Variants in FBXO11 observed in about 807,000 individuals in gnomAD.
FBXO11 encodes the protein F-box only protein 11.
Under a neutral mutation model 117.0 loss-of-function variants are expected in FBXO11, and 13 were observed. The observed-to-expected ratio is 0.11, with a 90% CI of 0.07 to 0.18. The LOEUF (loss-of-function observed/expected upper bound fraction) is 0.18, where lower values mean the gene tolerates loss of function less well. Among genes scored for constraint, FBXO11 ranks in the 10% least tolerant of loss-of-function variants. The pLI, the probability that FBXO11 is intolerant of heterozygous loss-of-function variation, is 1.00. For synonymous variants in FBXO11, 490 were observed against 380.5 expected, an observed-to-expected ratio of 1.29 and a Z score of -3.35; for missense variants, 767 against 1,164.4, an observed-to-expected ratio of 0.66 and a Z score of 4.97.
In FBXO11 at chr2:47,806,953, A is replaced by G. The variant is rs1284334358; in HGVS notation, c.*1165T>C. ...TAATAAACTTTATTTTTTAAAAATG[A>G]CCATTTTTCCATTTTCTTTCTAGGA... On this transcript the variant is annotated 3_prime_UTR_variant, in exon 23 of 23. Transcript: ENST00000403359. 4 of 990,116 alleles carry G rather than the reference A, an allele frequency of 4.0e-6. No individual in the cohort carries two copies. Among genetic ancestry groups the G allele is most frequent in the South Asian group, 2.7e-5 (2 of 72,742 alleles). The allele number at this position is 990,116 out of a possible 1,614,324, so 61.3% of individuals were successfully genotyped here. A position where few individuals can be genotyped will look rare whatever the true frequency, so the allele number is the denominator to read the frequency against.
chr2:47,846,699 CAG>C (rs1403550164), intron 1 of FBXO11, among the ~76,000 whole-genome samples: 1 of 151,954 alleles, frequency 6.6e-6, no homozygotes, highest in Non-Finnish European at 1.5e-5. Flanking sequence ...AAAAATAAAA[CAG>C]TGAAATTTTA....
intron 1 of FBXO11, 75 bp downstream of exon 1, chr2:47,905,413 CG>C: frequency 1.9e-6 from 2 of 1,052,956 alleles, no homozygotes; most frequent in Admixed American, 5.8e-5. Flanking sequence ...CCCGCCCGCC[CG>C]CCCGCCCGCC....
In FBXO11 at chr2:47,823,256, C is replaced by T. The variant is rs1050147417; in HGVS notation, c.1503G>A (p.Gln501=). The T allele has an allele frequency of 1.2e-6, 2 of 1,613,818 alleles. No homozygotes were observed. The highest frequency in any genetic ancestry group is 2.7e-5 in the African/African-American group (2 of 74,934). ...TTTCATGGACATATATTCCTCCAGT[C>T]TGCCCATGGTGAATTTCACATCGAA... is the stretch of plus-strand genomic sequence containing the variant. ...TVVRCEIHHG[Q]TGGIYVHEKG... The change falls in exon 12 of 23, where the codon CAG becomes CAA. Residue 501 remains glutamine, a synonymous_variant. Transcript: ENST00000403359.
chr2:47,817,225 CTT>C (rs1216946298), intron 16 of FBXO11, among the ~76,000 whole-genome samples: 1 of 152,212 alleles, frequency 6.6e-6, no homozygotes, highest in Non-Finnish European at 1.5e-5. Context: ...TAGCTTCAAA[CTT>C]TTCTTCTGCA....
rs1259866098 is a variant in FBXO11, at chr2:47,818,988, G to A, written c.1888C>T (p.Leu630=). The part of the protein sequence containing the change: ...VWVTTGSTPV[L]RRNRIHSGKQ... Reference sequence around the variant, plus strand: ...CCACTGTGTATCCGGTTTCTTCTCAGTACTGGAGTGCTGCCAGTTGTCACC... The same window carrying A: ...CCACTGTGTATCCGGTTTCTTCTCAATACTGGAGTGCTGCCAGTTGTCACC... Residue 630 remains leucine (L), a synonymous_variant, in exon 15 of 23, where the codon CTG becomes TTG. Coordinates refer to ENST00000403359, the MANE Select transcript of FBXO11 (RefSeq NM_001190274.2). 1.2e-6 allele frequency: 2 copies of A among 1,613,956 alleles called. No individual in the cohort carries two copies. Among genetic ancestry groups the A allele is most frequent in the Non-Finnish European group, 1.7e-6 (2 of 1,180,020 alleles).
intron 1 of FBXO11, among the ~76,000 whole-genome samples, chr2:47,863,990 C>G (rs1235060184): frequency 1.3e-5 from 2 of 151,312 alleles, no homozygotes; most frequent in Admixed American, 6.6e-5. Context: ...AAATCTAAAG[C>G]TGGATTTAGG....
chr2:47,859,445 C>A (rs900612085), intron 1 of FBXO11, among the ~76,000 whole-genome samples: 1 of 152,018 alleles, frequency 6.6e-6, no homozygotes, highest in South Asian at 2.1e-4. Flanking sequence ...CTAATTTCAC[C>A]GATTGGTGCT....
intron 1 of FBXO11, among the ~76,000 whole-genome samples, chr2:47,850,960 A>C (rs1012592130): frequency 2.0e-5 from 3 of 152,210 alleles, no homozygotes; most frequent in African/African-American, 7.2e-5. Context: ...AAATACATAC[A>C]ATAATTTTCT....
At chr2:47,887,759 A>C (rs953211987) in intron 1 of FBXO11, among the ~76,000 whole-genome samples, 1 of 152,040 alleles carries the variant, frequency 6.6e-6, no homozygotes, top group Admixed American at 6.6e-5. Flanking sequence ...TACTTGGGGG[A>C]CTGAGGCAGG....
intron 1 of FBXO11, among the ~76,000 whole-genome samples, chr2:47,879,203 A>G (rs1163581262): frequency 6.6e-6 from 1 of 152,180 alleles, no homozygotes; most frequent in Non-Finnish European, 1.5e-5. Context: ...CTACTGATGG[A>G]CATCTGGATT....
At chr2:47,870,705 G>C (rs910907315) in intron 1 of FBXO11, among the ~76,000 whole-genome samples, 3 of 152,164 alleles carry the variant, frequency 2.0e-5, no homozygotes, top group Admixed American at 6.5e-5. Context: ...AATTTCTGTT[G>C]TTTCAAGCTC....
At chr2:47,868,897 C>T (rs1159887611) in intron 1 of FBXO11, among the ~76,000 whole-genome samples, 1 of 152,216 alleles carries the variant, frequency 6.6e-6, no homozygotes, top group Admixed American at 6.5e-5. Flanking sequence ...GGCATAGACA[C>T]TTCACAGCAA....
Position 47,883,858 on chromosome 2 carries a change from A to G in FBXO11, c.232+21631T>C, listed in dbSNP as rs532114036. ...AGTGTTTACAGCAAGCCACTTTGAC[A>G]GATATTATTGTGGCAAATGTCTGGC... On this transcript the variant is annotated intron_variant, in intron 1 of 22. Coordinates refer to ENST00000403359, the MANE Select transcript of FBXO11 (RefSeq NM_001190274.2). 38 of 186,918 alleles carry G rather than the reference A, an allele frequency of 2.0e-4. No homozygotes were observed. The South Asian group carries it at 3.9e-3, about 19-fold the overall frequency. 11.6% of individuals were successfully genotyped at this position (186,918 alleles called of 1,614,324 possible). A position where few individuals can be genotyped will look rare whatever the true frequency, so the allele number is the denominator to read the frequency against.
At chr2:47,904,606 ACACACACACACACAC>A (rs1410905738) in intron 1 of FBXO11, among the ~76,000 whole-genome samples, 5 of 151,568 alleles carry the variant, frequency 3.3e-5, no homozygotes, top group African/African-American at 4.8e-5. Context: ...ACACACACAC[ACACACACACACACAC>A]AAAATATCCC....
intron 1 of FBXO11, among the ~76,000 whole-genome samples, chr2:47,847,961 A>T (rs1673547141): frequency 1.3e-5 from 2 of 151,780 alleles, no homozygotes; most frequent in South Asian, 4.2e-4. Flanking sequence ...CATCTCTACT[A>T]AAAATACAAA....
intron 11 of FBXO11, among the ~76,000 whole-genome samples, chr2:47,827,347 C>T (rs957943804): frequency 1.3e-5 from 2 of 152,238 alleles, no homozygotes; most frequent in African/African-American, 4.8e-5. Context: ...GTGTCTGTCG[C>T]CCAGGCTGGA....
intron 1 of FBXO11, among the ~76,000 whole-genome samples, chr2:47,894,105 T>C (rs989589000): frequency 6.6e-6 from 1 of 152,204 alleles, no homozygotes; most frequent in African/African-American, 2.4e-5. Context: ...GATACTTGTA[T>C]CATGAGGAAT....
chr2:47,903,945 CTT>C (rs1678526740), intron 1 of FBXO11, among the ~76,000 whole-genome samples: 1 of 152,178 alleles, frequency 6.6e-6, no homozygotes, highest in South Asian at 2.1e-4. Flanking sequence ...AAATAAAACA[CTT>C]TTACCAATTA....
intron 1 of FBXO11, among the ~76,000 whole-genome samples, chr2:47,842,979 TC>T (rs1673125488): frequency 1.3e-5 from 2 of 152,012 alleles, no homozygotes; most frequent in Non-Finnish European, 2.9e-5. Flanking sequence ...AGACACAAGG[TC>T]TCACCATGTT....
Sources: allele counts gnomAD v4.1 joint callset (sites outside exome capture counted in the v4.1 genomes callset), GRCh38; gene constraint gnomAD v4.1.1; transcripts MANE v1.5; gene names NCBI Gene and HGNC (gene_info 2026-07-23, HGNC 2026-07-21).